The following RHOBTB1 variants were observed in gnomAD, a reference collection of about 807,000 sequenced individuals.
RHOBTB1 encodes rho-related BTB domain-containing protein 1.
In RHOBTB1, 40 loss-of-function variants were observed where a neutral mutation model predicts 71.6. The ratio of observed to expected loss-of-function variants is 0.56; its 90% CI spans 0.43 to 0.73. RHOBTB1 has a LOEUF of 0.73. RHOBTB1 is among the 30% of genes least tolerant of loss of function. The pLI is 0.00. For synonymous variants in RHOBTB1, 319 were observed against 334.9 expected (o/e 0.95, Z 0.52); for missense variants, 797 against 894.0 (o/e 0.89, Z 1.38).
At chr10:60,962,730 T>A (rs1232030031) in intron 2 of RHOBTB1, among the ~76,000 whole-genome samples, 2 of 152,166 alleles carry the variant, frequency 1.3e-5, no homozygotes, top group Non-Finnish European at 2.9e-5. Flanking sequence ...GCTGGCCCAG[T>A]CAATTTTGGG....
At chr10:60,993,046 G>A (rs1308368377) in intron 1 of RHOBTB1, among the ~76,000 whole-genome samples, 7 of 152,120 alleles carry the variant, frequency 4.6e-5, no homozygotes, top group Non-Finnish European at 7.4e-5. Context: ...AGAAGAGAAC[G>A]AGGGCTTCGG....
intron 5 of RHOBTB1, among the ~76,000 whole-genome samples, chr10:60,890,427 A>G (rs1419959481): frequency 6.6e-6 from 1 of 151,932 alleles, no homozygotes; most frequent in Non-Finnish European, 1.5e-5. Context: ...TAAAGTCCAT[A>G]CCCTTTAGGC....
intron 1 of RHOBTB1, among the ~76,000 whole-genome samples, chr10:60,988,393 C>G (rs1195730857): frequency 6.6e-6 from 1 of 151,838 alleles, no homozygotes; most frequent in African/African-American, 2.4e-5. Context: ...GTTTGGGGTA[C>G]AAATTTTCCT....
At position 60,904,100 on chromosome 10, in the gene RHOBTB1, C is replaced by T. The variant is rs560550163; in HGVS notation, c.296+6787G>A. Among the ~76,000 whole-genome samples the T allele has an allele frequency of 6.0e-3, 909 of 152,062 alleles. 5 individuals carry two copies. The highest frequency in any genetic ancestry group is 9.5e-3 in the Non-Finnish European group (647 of 67,992). On this transcript the variant is annotated intron_variant, in intron 4 of 10. Transcript: ENST00000337910. Reference sequence around the variant, plus strand: ...ACCTCAACCTCCCGAGTAGCCACAACACCTGGCTAATTTTTTGTATTTTTT... The same window carrying T: ...ACCTCAACCTCCCGAGTAGCCACAATACCTGGCTAATTTTTTGTATTTTTT...
chr10:60,878,682 G>T (rs1472781456), intron 7 of RHOBTB1, among the ~76,000 whole-genome samples: 1 of 152,222 alleles, frequency 6.6e-6, no homozygotes, highest in African/African-American at 2.4e-5. Flanking sequence ...CCTTGCTTGG[G>T]ACTTCCAGGG....
chr10:60,984,304 A>T (rs1279986824), intron 2 of RHOBTB1, among the ~76,000 whole-genome samples: 1 of 152,228 alleles, frequency 6.6e-6, no homozygotes, highest in African/African-American at 2.4e-5. Flanking sequence ...CATTACAAAT[A>T]GGAAAATTTA....
chr10:60,900,940 A>G (rs904844592), intron 4 of RHOBTB1, among the ~76,000 whole-genome samples: 3 of 152,236 alleles, frequency 2.0e-5, no homozygotes, highest in African/African-American at 7.2e-5. Flanking sequence ...TCATAACATC[A>G]GAATAATAAT....
exon 1 of RHOBTB1, chr10:61,001,422 G>T (rs926992387): frequency 2.6e-5 from 4 of 151,656 alleles, no homozygotes; most frequent in Middle Eastern, 3.5e-3. Flanking sequence ...AAGCTCCCGC[G>T]GCGGCTCTGG....
chr10:60,878,196 G>A (rs1355031217), intron 7 of RHOBTB1, 138 bp from the exon 8 acceptor site: 1 of 632,290 alleles, frequency 1.6e-6, no homozygotes, highest in Non-Finnish European at 2.8e-6. Context: ...CTGTGCATAG[G>A]AATCCTTCAG....
intron 4 of RHOBTB1, among the ~76,000 whole-genome samples, chr10:60,893,339 G>A (rs1479695540): frequency 1.3e-5 from 2 of 152,170 alleles, no homozygotes; most frequent in African/African-American, 4.8e-5. Context: ...ACAAGAAATA[G>A]TTTCAAGAGA....
rs149435873 is a variant in RHOBTB1, at chr10:60,988,442, G to T, written c.-162-2497C>A. On this transcript the variant is annotated intron_variant, in intron 1 of 11. Transcript: ENST00000357917. ...TGAGCATAGTACCCAACTGGTAGTT[G>T]TTCAGCCCTTGCCCCTCCCTCCCTA... Among the ~76,000 whole-genome samples, 343 of 151,832 alleles carry T rather than the reference G, an allele frequency of 2.3e-3. 3 individuals carry two copies. The highest frequency in any genetic ancestry group is 7.2e-3 in the African/African-American group (298 of 41,370).
At chr10:60,916,143 AG>A (rs1589289056) in intron 2 of RHOBTB1, among the ~76,000 whole-genome samples, 1 of 152,290 alleles carries the variant, frequency 6.6e-6, no homozygotes, top group East Asian at 1.9e-4. Flanking sequence ...TTCGCCCAAA[AG>A]AATGTGGTGG....
At chr10:60,894,974 A>T (rs1232154072) in intron 4 of RHOBTB1, among the ~76,000 whole-genome samples, 1 of 152,220 alleles carries the variant, frequency 6.6e-6, no homozygotes, top group Non-Finnish European at 1.5e-5. Flanking sequence ...GGTTACCATG[A>T]TAACACTCAT....
intron 2 of RHOBTB1, among the ~76,000 whole-genome samples, chr10:60,917,705 G>A (rs971501299): frequency 6.6e-6 from 1 of 152,110 alleles, no homozygotes; most frequent in African/African-American, 2.4e-5. Flanking sequence ...TCACATTGGG[G>A]GTTAGGGCTT....
At chr10:60,993,055 G>C (rs1225317058) in intron 1 of RHOBTB1, among the ~76,000 whole-genome samples, 1 of 152,070 alleles carries the variant, frequency 6.6e-6, no homozygotes, top group Non-Finnish European at 1.5e-5. Flanking sequence ...CGAGGGCTTC[G>C]GGCATTTTAT....
At chr10:60,967,451 T>C (rs922643010) in intron 2 of RHOBTB1, among the ~76,000 whole-genome samples, 8 of 151,962 alleles carry the variant, frequency 5.3e-5, no homozygotes, top group Admixed American at 2.6e-4. Flanking sequence ...AGCCAGTGTG[T>C]CCAGTCTTTG....
At chr10:60,982,510 T>C (rs918958338) in intron 2 of RHOBTB1, among the ~76,000 whole-genome samples, 1 of 152,198 alleles carries the variant, frequency 6.6e-6, no homozygotes, top group African/African-American at 2.4e-5. Flanking sequence ...CAGATGACTC[T>C]GTTGTTGGGG....
intron 4 of RHOBTB1, among the ~76,000 whole-genome samples, chr10:60,898,080 A>G (rs884404): frequency 0.37 from 56,197 of 151,974 alleles, 11,235 homozygotes; most frequent in East Asian, 0.58. Context: ...CTTTTGTTCC[A>G]TGGTAGGATC....
chr10:60,964,944 T>A (rs77768398), intron 2 of RHOBTB1, among the ~76,000 whole-genome samples: 1,833 of 152,174 alleles, frequency 0.012, 16 homozygotes, highest in Non-Finnish European at 0.02. Context: ...ATTCCTAAAG[T>A]CTTAAGGAAG....
Sources: gnomAD v4.1 joint callset for allele counts (sites outside exome capture counted in the v4.1 genomes callset) on GRCh38, gnomAD v4.1.1 for gene constraint, MANE v1.5 for transcripts, NCBI Gene and HGNC (gene_info 2026-07-23, HGNC 2026-07-21) for gene names.